Variants in MARCHF6 observed in about 807,000 individuals in gnomAD.
MARCHF6 encodes E3 ubiquitin-protein ligase MARCHF6.
Under a neutral mutation model 133.7 loss-of-function variants are expected in MARCHF6, and 31 were observed. That is an observed-to-expected ratio of 0.23 (90% CI 0.17 to 0.31). The LOEUF is 0.31. MARCHF6 is among the 10% of genes least tolerant of loss of function. The pLI, the probability that MARCHF6 is intolerant of heterozygous loss-of-function variation, is 1.00. For missense variants in MARCHF6, 723 were observed against 1,121.6 expected, an observed-to-expected ratio of 0.64 and a Z score of 5.08; for synonymous variants, 395 against 402.5, an observed-to-expected ratio of 0.98 and a Z score of 0.22.
At chr5:10,372,394 A>G (rs1329821218) in intron 1 of MARCHF6, among the ~76,000 whole-genome samples, 1 of 152,228 alleles carries the variant, frequency 6.6e-6, no homozygotes, top group Non-Finnish European at 1.5e-5. Context: ...AATAGTGATC[A>G]TTAATCCATT....
intron 1 of MARCHF6, among the ~76,000 whole-genome samples, chr5:10,358,285 A>G (rs1289263116): frequency 1.3e-5 from 2 of 152,170 alleles, no homozygotes; most frequent in African/African-American, 4.8e-5. Context: ...TCAGAAAGAT[A>G]TGGAGCCAAT....
chr5:10,374,499 G>A (rs780582534), intron 1 of MARCHF6, among the ~76,000 whole-genome samples: 30 of 152,118 alleles, frequency 2.0e-4, no homozygotes, highest in Admixed American at 3.3e-4. Context: ...ACTGCTGGTG[G>A]GAATCATGGA....
chr5:10,398,831 G>A (rs1405429642), intron 10 of MARCHF6, among the ~76,000 whole-genome samples: 1 of 152,058 alleles, frequency 6.6e-6, no homozygotes, highest in African/African-American at 2.4e-5. Flanking sequence ...GAATCTTTTG[G>A]AATCTTTTGA....
At chr5:10,400,314 A>G (rs1194478916) in intron 10 of MARCHF6, among the ~76,000 whole-genome samples, 2 of 152,050 alleles carry the variant, frequency 1.3e-5, no homozygotes, top group African/African-American at 4.8e-5. Context: ...AGATGCTCAT[A>G]TTTTTCCCAT....
chr5:10,365,560 G>A (rs1487595565), intron 1 of MARCHF6, among the ~76,000 whole-genome samples: 1 of 152,132 alleles, frequency 6.6e-6, no homozygotes, highest in Non-Finnish European at 1.5e-5. Context: ...TCAGCCTCCT[G>A]GGATTACAGG....
chr5:10,426,337 T>G (rs555681804), intron 23 of MARCHF6, 53 bp from the exon 24 acceptor site: 21 of 1,591,858 alleles, frequency 1.3e-5, no homozygotes, highest in Non-Finnish European at 1.8e-5. Flanking sequence ...CTGTATTAAC[T>G]TGGAGGAATT....
intron 6 of MARCHF6, among the ~76,000 whole-genome samples, chr5:10,390,794 A>G (rs1283378868): frequency 6.6e-6 from 1 of 152,200 alleles, no homozygotes; most frequent in Non-Finnish European, 1.5e-5. Flanking sequence ...ACATTTCCTC[A>G]AGTGTTTGAT....
intron 23 of MARCHF6, 91 bp from the exon 24 acceptor site, chr5:10,426,299 G>T: frequency 2.1e-6 from 3 of 1,425,178 alleles, no homozygotes; most frequent in Non-Finnish European, 9.6e-7. Flanking sequence ...CTATTTTTGG[G>T]TTGGCAGATT....
intron 24 of MARCHF6, among the ~76,000 whole-genome samples, chr5:10,426,804 GTCT>G (rs1163552272): frequency 1.3e-5 from 2 of 152,126 alleles, no homozygotes; most frequent in East Asian, 3.9e-4. Context: ...CCTTCAGGTT[GTCT>G]TCTTCTGACT....
At chr5:10,418,141 G>A (rs962950513) in intron 22 of MARCHF6, among the ~76,000 whole-genome samples, 5 of 152,168 alleles carry the variant, frequency 3.3e-5, no homozygotes, top group Non-Finnish European at 5.9e-5. Context: ...CACTTTGGGA[G>A]GCCAAGGTGG....
intron 3 of MARCHF6, among the ~76,000 whole-genome samples, chr5:10,380,661 C>T (rs532493632): frequency 9.2e-5 from 14 of 152,278 alleles, no homozygotes; most frequent in African/African-American, 3.4e-4. Context: ...TGCTGTGGCT[C>T]ACCCCTGTAA....
At chr5:10,425,990 G>A (rs933229500) in intron 23 of MARCHF6, among the ~76,000 whole-genome samples, 1 of 152,066 alleles carries the variant, frequency 6.6e-6, no homozygotes, top group African/African-American at 2.4e-5. Context: ...ATCATACTCA[G>A]ATAAAATGAA....
chr5:10,361,914 C>T (rs946301940), intron 1 of MARCHF6, among the ~76,000 whole-genome samples: 5 of 152,072 alleles, frequency 3.3e-5, no homozygotes, highest in Non-Finnish European at 7.4e-5. Context: ...CAGGCATGCA[C>T]CACCACACCT....
chr5:10,376,926 C>T (rs1443750226), intron 1 of MARCHF6, among the ~76,000 whole-genome samples: 1 of 152,170 alleles, frequency 6.6e-6, no homozygotes, highest in African/African-American at 2.4e-5. Context: ...GCCCATTCTC[C>T]CTCCGATAGG....
chr5:10,433,717 TA>T lies in MARCHF6; in HGVS notation c.*34del, dbSNP rs1740476909. 9 of 1,555,710 alleles carry T rather than the reference TA, an allele frequency of 5.8e-6. No homozygotes were observed. Among genetic ancestry groups the T allele is most frequent in the Non-Finnish European group, 8.0e-6 (9 of 1,127,014 alleles). Reference sequence around the variant, plus strand: ...GTCTCAACAACTTGACCTTCCCCTTTACATGTCCTTTTTTGTGGACTTCTCT... The same window carrying T: ...GTCTCAACAACTTGACCTTCCCCTTTCATGTCCTTTTTTGTGGACTTCTCT... On this transcript the variant is annotated 3_prime_UTR_variant, in exon 26 of 26. Transcript: ENST00000274140.
At chr5:10,380,441 G>A (rs1737064695) in intron 3 of MARCHF6, among the ~76,000 whole-genome samples, 1 of 152,092 alleles carries the variant, frequency 6.6e-6, no homozygotes, top group Non-Finnish European at 1.5e-5. Context: ...CAGTTGATAG[G>A]AAATATGTGG....
intron 1 of MARCHF6, among the ~76,000 whole-genome samples, chr5:10,360,493 G>T (rs1167510200): frequency 6.6e-6 from 1 of 152,264 alleles, no homozygotes; most frequent in South Asian, 2.1e-4. Context: ...TTGTTCAGGG[G>T]ACTCCTGTAT....
chr5:10,404,989 A>G (rs1370278144), intron 15 of MARCHF6, among the ~76,000 whole-genome samples: 5 of 152,182 alleles, frequency 3.3e-5, no homozygotes, highest in African/African-American at 1.2e-4. Flanking sequence ...TAAAATTTTA[A>G]TATGTGGAAC....
At chr5:10,421,123 C>G (rs1258598528) in intron 22 of MARCHF6, among the ~76,000 whole-genome samples, 1 of 152,230 alleles carries the variant, frequency 6.6e-6, no homozygotes, top group African/African-American at 2.4e-5. Flanking sequence ...AAATCATCAT[C>G]ACCTTAGAGA....
Sources: gnomAD v4.1 joint callset for allele counts (sites outside exome capture counted in the v4.1 genomes callset) on GRCh38, gnomAD v4.1.1 for gene constraint, MANE v1.5 for transcripts, NCBI Gene and HGNC (gene_info 2026-07-23, HGNC 2026-07-21) for gene names.